Variants in VWA8 observed in about 807,000 individuals in gnomAD.
The protein encoded by VWA8 is von Willebrand factor A domain-containing protein 8.
Under a neutral mutation model 241.5 loss-of-function variants are expected in VWA8, and 221 were observed. The ratio of observed to expected loss-of-function variants is 0.91; its 90% CI spans 0.82 to 1.02. VWA8 has a LOEUF of 1.02. VWA8 is among the 50% of genes least tolerant of loss of function. The pLI is 0.00. For missense variants in VWA8, 2,322 were observed against 2,328.7 expected (o/e 1.00, Z 0.06); for synonymous variants, 852 against 827.1 (o/e 1.03, Z -0.52).
intron 13 of VWA8, 144 bp from the exon 14 acceptor site, chr13:41,830,786 A>G (rs1295358795): frequency 4.7e-6 from 3 of 635,950 alleles, no homozygotes; most frequent in Non-Finnish European, 7.8e-6. Context: ...TCAAAATTTC[A>G]AATTGGCTAC....
chr13:41,602,301 G>A (rs2044526594), intron 40 of VWA8, among the ~76,000 whole-genome samples: 1 of 152,074 alleles, frequency 6.6e-6, no homozygotes, highest in Non-Finnish European at 1.5e-5. Flanking sequence ...GCTTTTTATG[G>A]AATTGTTGAG....
At chr13:41,882,562 GA>G (rs1874289336) in intron 9 of VWA8, among the ~76,000 whole-genome samples, 1 of 152,266 alleles carries the variant, frequency 6.6e-6, no homozygotes. Flanking sequence ...AGCACCCCGG[GA>G]GGCCAAGGCT....
intron 2 of VWA8, among the ~76,000 whole-genome samples, chr13:41,919,752 C>T (rs546163662): frequency 5.3e-5 from 8 of 152,212 alleles, no homozygotes; most frequent in Non-Finnish European, 1.2e-4. Context: ...ATCCTATCCT[C>T]CTGGATGCCC....
chr13:41,616,018 T>TG (rs1248571524), intron 37 of VWA8, among the ~76,000 whole-genome samples: 1 of 152,208 alleles, frequency 6.6e-6, no homozygotes, highest in Non-Finnish European at 1.5e-5. Context: ...TGAGGTACCA[T>TG]GGGGCCTACA....
At chr13:41,648,544 T>C (rs1411412312) in intron 37 of VWA8, among the ~76,000 whole-genome samples, 1 of 152,240 alleles carries the variant, frequency 6.6e-6, no homozygotes, top group Non-Finnish European at 1.5e-5. Context: ...CTTTCCCGAA[T>C]GTAAACACTG....
intron 2 of VWA8, among the ~76,000 whole-genome samples, chr13:41,937,353 T>C (rs1391802096): frequency 6.6e-6 from 1 of 152,206 alleles, no homozygotes; most frequent in East Asian, 1.9e-4. Flanking sequence ...GCTTGTTTTC[T>C]TGCAACTAGA....
intron 9 of VWA8, among the ~76,000 whole-genome samples, chr13:41,873,757 A>G (rs1184029695): frequency 6.6e-6 from 1 of 152,210 alleles, no homozygotes; most frequent in Non-Finnish European, 1.5e-5. Flanking sequence ...CCAGAGGTAC[A>G]AGGAGGAACT....
chr13:41,864,861 G>A (rs1482406331), intron 12 of VWA8, among the ~76,000 whole-genome samples: 2 of 151,804 alleles, frequency 1.3e-5, no homozygotes, highest in South Asian at 2.1e-4. Flanking sequence ...GGTGACAGGC[G>A]CCTGTAATCC....
At chr13:41,634,727 A>AGTT (rs2044746447) in intron 37 of VWA8, among the ~76,000 whole-genome samples, 1 of 151,748 alleles carries the variant, frequency 6.6e-6, no homozygotes. Flanking sequence ...AACAGACTAA[A>AGTT]TTATTTCTAG....
chr13:41,728,400 A>G (rs2045454319), intron 23 of VWA8, among the ~76,000 whole-genome samples: 1 of 152,100 alleles, frequency 6.6e-6, no homozygotes, highest in South Asian at 2.1e-4. Flanking sequence ...CATTCAAAAG[A>G]GCTGCAAGTG....
At position 41,756,064 on chromosome 13, in the gene VWA8, A is replaced by C. The variant is rs147218230; in HGVS notation, c.2426+5064T>G. 8.0e-3 allele frequency among the ~76,000 whole-genome samples: 1,213 copies of C among 151,914 alleles called. 16 individuals carry two copies. The highest frequency in any genetic ancestry group is 0.028 in the African/African-American group (1,163 of 41,528). On this transcript the variant is annotated intron_variant, in intron 21 of 44. Coordinates refer to ENST00000379310, the MANE Select transcript of VWA8 (RefSeq NM_015058.2). ...GGTTCTTTGACCAATAATATTAATA[A>C]ACCCCTGACAAAACTGATTGAGAAG...
chr13:41,901,207 G>A (rs1046221741), intron 4 of VWA8, among the ~76,000 whole-genome samples: 6 of 150,690 alleles, frequency 4.0e-5, no homozygotes, highest in African/African-American at 1.5e-4. Flanking sequence ...TGAACTCCTG[G>A]CCTCAAGTGA....
At chr13:41,729,884 A>G (rs761996519) in intron 22 of VWA8, among the ~76,000 whole-genome samples, 13 of 151,882 alleles carry the variant, frequency 8.6e-5, no homozygotes, top group Admixed American at 2.6e-4. Context: ...GATTTCTACC[A>G]AAAGCTTCAT....
At chr13:41,649,927 G>A (rs1263017909) in intron 37 of VWA8, among the ~76,000 whole-genome samples, 1 of 152,172 alleles carries the variant, frequency 6.6e-6, no homozygotes, top group Non-Finnish European at 1.5e-5. Flanking sequence ...TACAAAGCTG[G>A]CTGGGACGGG....
intron 37 of VWA8, among the ~76,000 whole-genome samples, chr13:41,668,403 G>A (rs2045000806): frequency 6.6e-6 from 1 of 152,124 alleles, no homozygotes; most frequent in African/African-American, 2.4e-5. Context: ...GCCAGCAAGT[G>A]TTAAGTAAGC....
At chr13:41,702,381 C>T (rs988092417) in intron 27 of VWA8, among the ~76,000 whole-genome samples, 1 of 152,092 alleles carries the variant, frequency 6.6e-6, no homozygotes, top group African/African-American at 2.4e-5. Flanking sequence ...TAGGTTTTGC[C>T]AATTAAATGC....
At chr13:41,775,838 C>T (rs1868568348) in intron 20 of VWA8, among the ~76,000 whole-genome samples, 1 of 152,194 alleles carries the variant, frequency 6.6e-6, no homozygotes, top group Non-Finnish European at 1.5e-5. Context: ...TTCTACTTCA[C>T]CCTTCACTCT....
intron 21 of VWA8, among the ~76,000 whole-genome samples, chr13:41,757,553 C>G (rs2045703253): frequency 6.6e-6 from 1 of 151,624 alleles, no homozygotes. Context: ...ACACAGTAAA[C>G]ATAGTAACCA....
Position 41,699,092 on chromosome 13 carries a change from T to C in VWA8, c.3543A>G (p.Gln1181=), listed in dbSNP as rs2045232770. Residue 1181 remains glutamine, a synonymous_variant, in exon 29 of 45, where the codon CAA becomes CAG. Coordinates refer to ENST00000379310, the MANE Select transcript of VWA8 (RefSeq NM_015058.2). ...TTACCTGCTGCTCATGGAGAACCAC[T>C]TGACCTTTGAGAGGACTTCCCAGCG... ...VAPLGSPLKG[Q]VVLHEQQSNV... 1 of 1,613,942 alleles carries C rather than the reference T, an allele frequency of 6.2e-7. No homozygotes were observed. The highest frequency in any genetic ancestry group is 1.3e-5 in the African/African-American group (1 of 75,036).
Sources: gnomAD v4.1 joint callset for allele counts (sites outside exome capture counted in the v4.1 genomes callset) on GRCh38, gnomAD v4.1.1 for gene constraint, MANE v1.5 for transcripts, NCBI Gene and HGNC (gene_info 2026-07-23, HGNC 2026-07-21) for gene names.